C5orf63: variants seen among roughly 807,000 people sequenced by gnomAD.
C5orf63 encodes the protein chromosome 5 open reading frame 63.
C5orf63 carries 18 observed loss-of-function variants against 13.3 expected under a neutral mutation model. The ratio of observed to expected loss-of-function variants is 1.36; its 90% CI spans 0.94 to 2.01. The LOEUF (loss-of-function observed/expected upper bound fraction) is 2.01, where lower values mean the gene tolerates loss of function less well. C5orf63 is among the 30% of genes most tolerant of loss of function. The probability of loss-of-function intolerance (pLI) is 0.00; values close to 1 mark genes in which losing one functional copy is unlikely to be tolerated. For missense variants in C5orf63, 118 were observed against 127.7 expected (o/e 0.92, Z 0.36); for synonymous variants, 38 against 44.7 (o/e 0.85, Z 0.60).
intron 3 of C5orf63, among the ~76,000 whole-genome samples, chr5:127,058,494 A>T (rs1753971809): frequency 6.6e-6 from 1 of 152,154 alleles, no homozygotes; most frequent in South Asian, 2.1e-4. Context: ...ATGACCAGAG[A>T]CTCATAGGAA....
chr5:127,071,076 T>C (rs1250506937), intron 2 of C5orf63, among the ~76,000 whole-genome samples: 1 of 152,218 alleles, frequency 6.6e-6, no homozygotes, highest in Non-Finnish European at 1.5e-5. Context: ...TTCATTTCTA[T>C]AGCTTGTACT....
rs1325537150 is a variant in C5orf63 at position 127,072,729 on chromosome 5, C to T, written c.-110+722G>A. ...AAAGATCACCCAAGCAAAACATTCCCTGTGAAAGACAGCCTTAGAAACAGT... is the reference window on the plus strand; with the variant it reads ...AAAGATCACCCAAGCAAAACATTCCTTGTGAAAGACAGCCTTAGAAACAGT... On this transcript the variant is annotated intron_variant, in intron 1 of 4. Coordinates refer to ENST00000296662, the MANE Select transcript of C5orf63 (RefSeq NM_001164478.2). Among the ~76,000 whole-genome samples, 4 of 152,214 alleles carry T rather than the reference C, an allele frequency of 2.6e-5. No individual in the cohort carries two copies. In the East Asian group the frequency reaches 7.7e-4, roughly 29 times the overall value.
chr5:127,046,770 C>A (rs1032174585), downstream of C5orf63: 2 of 152,184 alleles, frequency 1.3e-5, no homozygotes, highest in African/African-American at 4.8e-5. Flanking sequence ...AATAGAGAAG[C>A]CTGAGAGGCT....
exon 5 of C5orf63, chr5:127,046,174 A>C (rs1753516911): frequency 6.6e-6 from 1 of 152,240 alleles, no homozygotes; most frequent in Non-Finnish European, 1.5e-5. Flanking sequence ...TGGAGAATTC[A>C]CCATGTCTTA....
At chr5:127,055,791 T>C (rs533808093) in intron 3 of C5orf63, among the ~76,000 whole-genome samples, 10 of 152,232 alleles carry the variant, frequency 6.6e-5, no homozygotes, top group African/African-American at 1.2e-4. Context: ...AATTTTGCTT[T>C]TATATTAAGA....
At chr5:127,049,513 G>T (rs1286871285), downstream of C5orf63, among the ~76,000 whole-genome samples, 1 of 152,158 alleles carries the variant, frequency 6.6e-6, no homozygotes, top group Admixed American at 6.6e-5. Flanking sequence ...CATTTGACAT[G>T]TGTCAGTTCC....
intron 1 of C5orf63, among the ~76,000 whole-genome samples, chr5:127,072,703 T>A (rs1197243704): frequency 6.6e-6 from 1 of 152,068 alleles, no homozygotes; most frequent in Non-Finnish European, 1.5e-5. Context: ...TAAACAAGAA[T>A]AAAGATCACC....
At chr5:127,049,078 G>T (rs1753594706), downstream of C5orf63, among the ~76,000 whole-genome samples, 1 of 152,122 alleles carries the variant, frequency 6.6e-6, no homozygotes, top group African/African-American at 2.4e-5. Flanking sequence ...CTACTAGAAG[G>T]GACTGTTGAG....
chr5:127,065,224 T>C (rs924819703), intron 2 of C5orf63, among the ~76,000 whole-genome samples: 4 of 152,156 alleles, frequency 2.6e-5, no homozygotes, highest in African/African-American at 9.7e-5. Flanking sequence ...AGTTCCACAA[T>C]GGGGATGGAA....
At chr5:127,063,822 C>G (rs1754202630) in intron 2 of C5orf63, among the ~76,000 whole-genome samples, 1 of 152,190 alleles carries the variant, frequency 6.6e-6, no homozygotes, top group South Asian at 2.1e-4. Context: ...GTTAAGTGCT[C>G]TATTTCCCAT....
chr5:127,056,313 A>G (rs191041073), intron 3 of C5orf63: 214 of 152,502 alleles, frequency 1.4e-3, no homozygotes, highest in Middle Eastern at 3.4e-3. Context: ...GTCATCCATG[A>G]TGAATTAGTC....
chr5:127,067,214 G>A (rs1467176677), intron 2 of C5orf63, among the ~76,000 whole-genome samples: 4 of 151,576 alleles, frequency 2.6e-5, no homozygotes, highest in African/African-American at 9.7e-5. Flanking sequence ...AGATGATGAA[G>A]GTAAAAATCT....
Position 127,058,958 on chromosome 5 carries a change from C to G in C5orf63, c.38G>C (p.Arg13Thr). The G allele has an allele frequency of 1.3e-6, 2 of 1,537,240 alleles. No individual in the cohort carries two copies. Among genetic ancestry groups the G allele is most frequent in the Non-Finnish European group, 1.7e-6 (2 of 1,146,776 alleles). The change falls in exon 3 of 5, where the codon AGA (arginine) becomes ACA (threonine). Residue 13 changes from arginine (R) to threonine (T), a missense_variant. Transcript: ENST00000296662. ...WFQGNSMQLA[R>T]SSFGLFLRNC... ...TCTCAAGAAGAGTCCAAAGGAGGAT[C>G]TGGCAAGTTGCATGCTATTTCCTTG... is the stretch of plus-strand genomic sequence containing the variant.
chr5:127,053,595 C>T (rs1252255185), intron 3 of C5orf63, among the ~76,000 whole-genome samples: 3 of 152,146 alleles, frequency 2.0e-5, no homozygotes, highest in Non-Finnish European at 4.4e-5. Context: ...CCCCGCACCC[C>T]ACGACAGGCC....
chr5:127,045,887 A>G (rs1753510655), exon 5 of C5orf63: 1 of 152,252 alleles, frequency 6.6e-6, no homozygotes, highest in Non-Finnish European at 1.5e-5. Context: ...ACCTGCCACT[A>G]TCAAATCACA....
At chr5:127,062,865 T>C (rs563046450) in intron 2 of C5orf63, among the ~76,000 whole-genome samples, 132 of 152,332 alleles carry the variant, frequency 8.7e-4, no homozygotes, top group African/African-American at 3.1e-3. Context: ...TCATTGAATT[T>C]AGTCATGAAA....
intron 2 of C5orf63, among the ~76,000 whole-genome samples, chr5:127,062,556 C>T (rs1561491443): frequency 6.6e-6 from 1 of 152,132 alleles, no homozygotes; most frequent in South Asian, 2.1e-4. Context: ...CTAACATTTA[C>T]TTAATCCTAG....
chr5:127,070,157 G>A (rs1754483359), intron 2 of C5orf63, among the ~76,000 whole-genome samples: 1 of 152,106 alleles, frequency 6.6e-6, no homozygotes, highest in Non-Finnish European at 1.5e-5. Flanking sequence ...ATAAGAATTA[G>A]GCTCTGTTCT....
chr5:127,052,543 C>A, intron 4 of C5orf63, 70 bp downstream of exon 4: 1 of 1,069,982 alleles, frequency 9.3e-7, no homozygotes. Flanking sequence ...AAGGAAGGAT[C>A]CAGGCAGATA....
Sources: allele counts gnomAD v4.1 joint callset (sites outside exome capture counted in the v4.1 genomes callset), GRCh38; gene constraint gnomAD v4.1.1; transcripts MANE v1.5; gene names NCBI Gene and HGNC (gene_info 2026-07-23, HGNC 2026-07-21).